BPTF: variants seen among roughly 807,000 people sequenced by gnomAD.
BPTF encodes nucleosome-remodeling factor subunit BPTF.
BPTF carries 18 observed loss-of-function variants against 292.5 expected under a neutral mutation model. The observed-to-expected ratio is 0.06, with a 90% CI of 0.04 to 0.09. BPTF has a LOEUF of 0.09. BPTF is among the 10% of genes least tolerant of loss of function. BPTF has a pLI of 1.00. For missense variants in BPTF, 2,726 were observed against 3,498.7 expected (o/e 0.78, Z 5.57); for synonymous variants, 1,225 against 1,251.9 (o/e 0.98, Z 0.45).
chr17:67,852,164 T>G (rs1389092331), intron 1 of BPTF, among the ~76,000 whole-genome samples: 1 of 152,152 alleles, frequency 6.6e-6, no homozygotes, highest in Non-Finnish European at 1.5e-5. Flanking sequence ...CTTGAATCTT[T>G]GAATTTAGTA....
chr17:67,924,675 G>T, intron 15 of BPTF, 86 bp downstream of exon 15: 1 of 1,467,040 alleles, frequency 6.8e-7, no homozygotes, highest in South Asian at 1.2e-5. Flanking sequence ...CATCAGCAGG[G>T]GGAGTTGGTG....
Position 67,948,283 on chromosome 17 carries a change from A to G in BPTF, c.7903A>G (p.Lys2635Glu). The change falls in exon 23 of 28, where the codon AAG (lysine) becomes GAG (glutamate). Residue 2635 changes from lysine (K) to glutamate (E), a missense_variant. Physicochemically the swap from Lys to Glu is moderately conservative, Grantham distance 56. This residue lies in a region of BPTF where 148 missense variants were observed against 145.5 expected (regional missense o/e 1.02). Coordinates refer to ENST00000306378, the MANE Select transcript of BPTF (RefSeq NM_182641.4). ...EILKKRALLD[K>E]DLQIEVQEEL... ...CCTGAAGAAGAGAGCACTCCTGGAC[A>G]AGGATCTGCAAATTGAAGTGCAGGT... 6.2e-7 allele frequency: 1 copy of G among 1,613,328 alleles called. No individual in the cohort carries two copies. Among genetic ancestry groups the G allele is most frequent in the Non-Finnish European group, 8.5e-7 (1 of 1,179,760 alleles).
At chr17:67,954,365 C>T (rs2148159982) in intron 23 of BPTF, among the ~76,000 whole-genome samples, 1 of 152,138 alleles carries the variant, frequency 6.6e-6, no homozygotes, top group Non-Finnish European at 1.5e-5. Context: ...ACATGTTTTC[C>T]TTTTCAAACA....
Position 67,909,745 on chromosome 17 carries a change from T to A in BPTF, c.2976T>A (p.Thr992=). The change falls in exon 10 of 28, where the codon ACT becomes ACA. Residue 992 remains threonine (T), a synonymous_variant. Coordinates refer to ENST00000306378, the MANE Select transcript of BPTF (RefSeq NM_182641.4). ...DQNEMDISKI[T]EKKDQDVKEL... is the part of the protein sequence containing the mutation. The stretch of plus-strand genomic sequence containing the variant: ...ATGAAATGGATATCTCAAAGATTAC[T>A]GAGAAGAAGGACCAAGGTAAGGAGA... 1 of 1,573,608 alleles carries A rather than the reference T, an allele frequency of 6.4e-7. No homozygotes were observed. The highest frequency in any genetic ancestry group is 8.6e-7 in the Non-Finnish European group (1 of 1,165,172).
chr17:67,963,233 T>G, intron 24 of BPTF: 1 of 1,332,256 alleles, frequency 7.5e-7, no homozygotes, highest in Non-Finnish European at 9.9e-7. Flanking sequence ...TGCAGGAAGT[T>G]ACACTGTAAA....
At chr17:67,981,438 T>G (rs1231658765) in intron 27 of BPTF, 52 of 1,222,010 alleles carry the variant, frequency 4.3e-5, no homozygotes, top group Non-Finnish European at 5.2e-5. Flanking sequence ...TCTTACAGAT[T>G]GTGATATCTT....
chr17:67,854,874 ATAGT>A lies in BPTF; in HGVS notation c.1436+115_1436+118del, dbSNP rs1462512061. ...ATGTGGTATAAACCTTTGTAACTTA[ATAGT>A]TATACAGTTAAATAATTTCTTAATT... On this transcript the variant is annotated intron_variant, in intron 2 of 27. Coordinates refer to ENST00000306378, the MANE Select transcript of BPTF (RefSeq NM_182641.4). This position sits in a 1 kb window ranked among gnomAD's most constrained non-coding sequence, Gnocchi z 5.6. The A allele has an allele frequency of 1.0e-5, 7 of 701,678 alleles. No individual in the cohort carries two copies. The highest frequency in any genetic ancestry group is 1.8e-5 in the African/African-American group (1 of 55,568). 43.5% of individuals were successfully genotyped at this position (701,678 alleles called of 1,614,324 possible).
chr17:67,921,421 G>A (rs1383788846), intron 13 of BPTF, among the ~76,000 whole-genome samples: 1 of 151,952 alleles, frequency 6.6e-6, no homozygotes, highest in Non-Finnish European at 1.5e-5. Flanking sequence ...AGCTACTTGG[G>A]AGGGTGAGGC....
intron 4 of BPTF, among the ~76,000 whole-genome samples, chr17:67,879,268 A>C (rs182619462): frequency 6.6e-6 from 1 of 151,728 alleles, no homozygotes; most frequent in East Asian, 1.9e-4. Context: ...CAGCCTCCCA[A>C]ATAGCTGGGA....
intron 18 of BPTF, among the ~76,000 whole-genome samples, chr17:67,933,195 T>A (rs1251494096): frequency 3.3e-5 from 5 of 150,238 alleles, no homozygotes; most frequent in South Asian, 4.2e-4. Flanking sequence ...GAGGCGGAGG[T>A]TGCAGTGAGC....
chr17:67,924,472 C>T, intron 14 of BPTF, 75 bp from the exon 15 acceptor site: 3 of 1,412,888 alleles, frequency 2.1e-6, no homozygotes, highest in South Asian at 2.4e-5. Flanking sequence ...TGAAAATCAA[C>T]CAGATTTCAC....
intron 18 of BPTF, 58 bp downstream of exon 18, chr17:67,932,077 T>A (rs981181178): frequency 7.0e-7 from 1 of 1,425,468 alleles, no homozygotes; most frequent in Non-Finnish European, 9.9e-7. Context: ...AGGAAATACG[T>A]AATTCTCTGC....
chr17:67,844,650 C>T (rs1341977913), intron 1 of BPTF, among the ~76,000 whole-genome samples: 1 of 151,756 alleles, frequency 6.6e-6, no homozygotes, highest in East Asian at 2.0e-4. Context: ...ATCTGCCCAT[C>T]TCGGCCTCCC....
At chr17:67,947,830 G>C in intron 22 of BPTF, 22 bp downstream of exon 22, 2 of 1,546,548 alleles carry the variant, frequency 1.3e-6, no homozygotes, top group South Asian at 2.4e-5. Flanking sequence ...GCAGGGTCTT[G>C]TTGTCTGTCC....
At chr17:67,944,475 C>A in intron 20 of BPTF, 103 bp downstream of exon 20, 2 of 1,332,038 alleles carry the variant, frequency 1.5e-6, no homozygotes, top group Non-Finnish European at 2.1e-6. Context: ...GAAGGATATG[C>A]CTCAAGCCAG....
rs147860792 is a variant in BPTF at position 67,916,060 on chromosome 17, A to G, written c.5304-2654A>G. ...ACACTAAAGATCTCTAGGAATTACTATGGGGTATGGTCTGAAAGTGACAGA... is the reference window on the plus strand; with the variant it reads ...ACACTAAAGATCTCTAGGAATTACTGTGGGGTATGGTCTGAAAGTGACAGA... On this transcript the variant is annotated intron_variant, in intron 11 of 27. Transcript: ENST00000306378. 2.2e-3 allele frequency among the ~76,000 whole-genome samples: 332 copies of G among 152,286 alleles called. 1 individual carries two copies. The highest frequency in any genetic ancestry group is 7.4e-3 in the African/African-American group (308 of 41,572).
At chr17:67,847,674 C>CAA (rs543574039) in intron 1 of BPTF, among the ~76,000 whole-genome samples, 5 of 52,898 alleles carry the variant, frequency 9.5e-5, no homozygotes, top group Admixed American at 4.2e-4. Flanking sequence ...GACTCCGTCT[C>CAA]AAAAAAAAAA....
chr17:67,943,457 G>A (rs541145093), intron 19 of BPTF, among the ~76,000 whole-genome samples: 3 of 152,190 alleles, frequency 2.0e-5, no homozygotes, highest in East Asian at 1.9e-4. Flanking sequence ...AAGAGAGAGC[G>A]CCTAGAGAAT....
rs765110277 is a variant in BPTF, at chr17:67,854,518, A to G, written c.1192A>G (p.Lys398Glu). Residue 398 changes from lysine to glutamate, a missense_variant, in exon 2 of 28, where the codon AAA becomes GAA. This residue lies in a region of BPTF where 102 missense variants were observed against 212.6 expected (regional missense o/e 0.48). Transcript: ENST00000306378. This position sits in a 1 kb window ranked among gnomAD's most constrained non-coding sequence, Gnocchi z 5.6. ...TGATGACCATTGTAGGGTTTGTCACAAACTTGGGGATTTGCTTTGCTGTGA... is the reference window on the plus strand; with the variant it reads ...TGATGACCATTGTAGGGTTTGTCACGAACTTGGGGATTTGCTTTGCTGTGA... ...QYDDHCRVCH[K>E]LGDLLCCETC... is the part of the protein sequence containing the mutation. 3 of 1,614,204 alleles carry G rather than the reference A, an allele frequency of 1.9e-6. No individual in the cohort carries two copies. The highest frequency in any genetic ancestry group is 8.5e-7 in the Non-Finnish European group (1 of 1,180,032).
Sources: gnomAD v4.1 joint callset for allele counts (sites outside exome capture counted in the v4.1 genomes callset) on GRCh38, gnomAD v4.1.1 for gene constraint, gnomAD v4.1.1 regional missense constraint, Gnocchi (gnomAD v3.1) non-coding constraint, MANE v1.5 for transcripts, NCBI Gene and HGNC (gene_info 2026-07-23, HGNC 2026-07-21) for gene names.